SLC28A3: variants seen among roughly 807,000 people sequenced by gnomAD.
SLC28A3 encodes solute carrier family 28 member 3.
A neutral mutation model predicts 84.2 loss-of-function variants in SLC28A3; 68 were observed. The ratio of observed to expected loss-of-function variants is 0.81; its 90% CI spans 0.66 to 0.99. SLC28A3 has a LOEUF of 0.99. SLC28A3 is among the 50% of genes least tolerant of loss of function. The probability of loss-of-function intolerance (pLI) is 0.00; values close to 1 mark genes in which losing one functional copy is unlikely to be tolerated. For synonymous variants in SLC28A3, 267 were observed against 303.6 expected (o/e 0.88, Z 1.25); for missense variants, 712 against 841.5 (o/e 0.85, Z 1.90).
chr9:84,320,199 G>A (rs1357621219), intron 1 of SLC28A3, among the ~76,000 whole-genome samples: 3 of 150,466 alleles, frequency 2.0e-5, no homozygotes, highest in Admixed American at 6.7e-5. Flanking sequence ...ACAGGCACAC[G>A]CCACCACACC....
chr9:84,351,689 A>AT, the SLC28A3 span, among the ~76,000 whole-genome samples: 8,169 of 151,270 alleles, frequency 0.054, 457 homozygotes, highest in East Asian at 0.17. Flanking sequence ...ATTAAATTAA[A>AT]TTAAAAAAAA....
chr9:84,308,960 G>C (rs970496205), intron 3 of SLC28A3, among the ~76,000 whole-genome samples: 1 of 152,198 alleles, frequency 6.6e-6, no homozygotes, highest in Non-Finnish European at 1.5e-5. Context: ...ATTGGGTTTT[G>C]AGCGATCAAT....
In SLC28A3 at chr9:84,323,426, A is replaced by ATTTT. The variant is rs398011264; in HGVS notation, c.61-9976_61-9973dup. On this transcript the variant is annotated intron_variant, in intron 1 of 17. Transcript: ENST00000376238. ...TGTCATTTTTATGATTCAGTACATG[A>ATTTT]TTTTTTTTTTTTTTTTGAGACGGAG... is the stretch of plus-strand genomic sequence containing the variant. Among the ~76,000 whole-genome samples the ATTTT allele has an allele frequency of 1.4e-5, 2 of 141,156 alleles. 1 individual carries two copies. Among genetic ancestry groups the ATTTT allele is most frequent in the Non-Finnish European group, 3.1e-5 (2 of 65,432 alleles). The allele number at this position is 141,156 out of a possible 152,430, so 92.6% of individuals were successfully genotyped here. A position where few individuals can be genotyped will look rare whatever the true frequency, so the allele number is the denominator to read the frequency against.
At chr9:84,320,052 T>TTTG (rs1554728757) in intron 1 of SLC28A3, among the ~76,000 whole-genome samples, 3,623 of 131,094 alleles carry the variant, frequency 0.028, 222 homozygotes, top group Admixed American at 0.074. Flanking sequence ...TTTTTTTTTT[T>TTTG]TTTTTTTTTT....
intron 10 of SLC28A3, among the ~76,000 whole-genome samples, chr9:84,291,849 C>A (rs1445068752): frequency 6.6e-6 from 1 of 152,168 alleles, no homozygotes; most frequent in African/African-American, 2.4e-5. Flanking sequence ...CTGCCTGAAG[C>A]TGCATATCTG....
chr9:84,280,174 C>A (rs1824689062), intron 15 of SLC28A3, 101 bp from the exon 16 acceptor site: 9 of 699,782 alleles, frequency 1.3e-5, no homozygotes, highest in Admixed American at 3.3e-5. Context: ...GGTCAGCTGA[C>A]TTTTTTTTTT....
the SLC28A3 span, among the ~76,000 whole-genome samples, chr9:84,364,320 G>A: frequency 8.2e-4 from 124 of 151,930 alleles, no homozygotes; most frequent in Middle Eastern, 0.01. Flanking sequence ...ATGGGGTTTC[G>A]CCGTGTTGGC....
the SLC28A3 span, among the ~76,000 whole-genome samples, chr9:84,366,659 T>C: frequency 2.0e-5 from 3 of 152,184 alleles, no homozygotes; most frequent in Non-Finnish European, 4.4e-5. Flanking sequence ...TCCTTGATGG[T>C]CTTGGACAAG....
chr9:84,310,577 C>T lies in SLC28A3; in HGVS notation c.157-863G>A, dbSNP rs1010388398. On this transcript the variant is annotated intron_variant, in intron 2 of 17. Coordinates refer to ENST00000376238, the MANE Select transcript of SLC28A3 (RefSeq NM_001199633.2). ...TTGTCTTCTGTCATATCCAATGTGGCCTTTGATTCTCTTTAACAGAAATCA... is the reference window on the plus strand; with the variant it reads ...TTGTCTTCTGTCATATCCAATGTGGTCTTTGATTCTCTTTAACAGAAATCA... 7 of 985,244 alleles carry T rather than the reference C, an allele frequency of 7.1e-6. No individual in the cohort carries two copies. In the African/African-American group the frequency reaches 1.2e-4, roughly 17 times the overall value. The allele number at this position is 985,244 out of a possible 1,614,324, so 61.0% of individuals were successfully genotyped here. A position where few individuals can be genotyped will look rare whatever the true frequency, so the allele number is the denominator to read the frequency against.
At chr9:84,364,522 C>T in the SLC28A3 span, among the ~76,000 whole-genome samples, 1 of 152,168 alleles carries the variant, frequency 6.6e-6, no homozygotes, top group South Asian at 2.1e-4. Flanking sequence ...TGTGCCTGGC[C>T]AATTACGCTT....
intron 12 of SLC28A3, 67 bp downstream of exon 12, chr9:84,287,981 C>T (rs1825062978): frequency 6.3e-7 from 1 of 1,599,582 alleles, no homozygotes. Context: ...TTTTGCTGTA[C>T]ATTGACTCCT....
At chr9:84,317,953 CT>C (rs980521144) in intron 1 of SLC28A3, among the ~76,000 whole-genome samples, 47 of 152,284 alleles carry the variant, frequency 3.1e-4, no homozygotes, top group African/African-American at 1.1e-3. Flanking sequence ...CACTTCAACT[CT>C]TTTTTTACTC....
At position 84,276,391 on chromosome 9, in the gene SLC28A3, G is replaced by C. The variant is rs1036250744; in HGVS notation, c.*1827C>G. On this transcript the variant is annotated 3_prime_UTR_variant, in exon 18 of 18. Coordinates refer to ENST00000376238, the MANE Select transcript of SLC28A3 (RefSeq NM_001199633.2). ...ACATGTGACTTGCATATGTCTATCA[G>C]ACACTATTGCTATAGAAAAAAAAGC... 3 of 150,802 alleles carry C rather than the reference G, an allele frequency of 2.0e-5. No homozygotes were observed. The highest frequency in any genetic ancestry group is 4.4e-5 in the Non-Finnish European group (3 of 67,864). 9.3% of individuals were successfully genotyped at this position (150,802 alleles called of 1,614,324 possible).
At chr9:84,285,308 TGAA>T in intron 14 of SLC28A3, 34 bp downstream of exon 14, 1 of 1,590,656 alleles carries the variant, frequency 6.3e-7, no homozygotes, top group Non-Finnish European at 8.6e-7. Flanking sequence ...AGGTATGTGA[TGAA>T]GAAATGTACT....
intron 1 of SLC28A3, among the ~76,000 whole-genome samples, chr9:84,335,613 A>G (rs1588626862): frequency 1.3e-5 from 2 of 152,276 alleles, no homozygotes; most frequent in East Asian, 3.9e-4. Context: ...CAAGCTGGAA[A>G]CATTGACTCC....
At chr9:84,301,013 C>T (rs767649203) in intron 5 of SLC28A3, among the ~76,000 whole-genome samples, 27 of 152,066 alleles carry the variant, frequency 1.8e-4, no homozygotes, top group African/African-American at 5.1e-4. Context: ...TCATATACCC[C>T]GTAAATATAT....
intron 1 of SLC28A3, among the ~76,000 whole-genome samples, chr9:84,321,612 T>G (rs992728816): frequency 1.3e-5 from 2 of 150,912 alleles, no homozygotes; most frequent in African/African-American, 4.9e-5. Flanking sequence ...CAGGCGCCTG[T>G]AGTCCCAGCT....
Position 84,279,982 on chromosome 9 carries a change from G to A in SLC28A3, c.1821C>T (p.Cys607=), listed in dbSNP as rs369392988. 2.5e-6 allele frequency: 4 copies of A among 1,613,744 alleles called. No individual in the cohort carries two copies. In the African/African-American group the frequency reaches 5.3e-5, roughly 22 times the overall value. Residue 607 remains cysteine (C), a synonymous_variant, in exon 16 of 18, where the codon TGC becomes TGT. Coordinates refer to ENST00000376238, the MANE Select transcript of SLC28A3 (RefSeq NM_001199633.2). The part of the protein sequence containing the change: ...AGTVACFMTA[C]IAGILSSTPV... Reference sequence around the variant, plus strand: ...AAGGACAGGGTGCGGTACCTGCGATGCAGGCTGTCATGAAGCAGGCCACGG... The same window carrying A: ...AAGGACAGGGTGCGGTACCTGCGATACAGGCTGTCATGAAGCAGGCCACGG...
chr9:84,333,384 T>A (rs1456520291), intron 1 of SLC28A3, among the ~76,000 whole-genome samples: 2 of 152,106 alleles, frequency 1.3e-5, no homozygotes, highest in African/African-American at 4.8e-5. Context: ...GGGAGATAGG[T>A]ATGCGTGACC....
Sources: gnomAD v4.1 joint callset for allele counts (sites outside exome capture counted in the v4.1 genomes callset) on GRCh38, gnomAD v4.1.1 for gene constraint, MANE v1.5 for transcripts, NCBI Gene and HGNC (gene_info 2026-07-23, HGNC 2026-07-21) for gene names.